The following LRGUK variants were observed in gnomAD, a reference collection of about 807,000 sequenced individuals.
LRGUK encodes the protein leucine rich repeats and guanylate kinase domain containing, also known as leucine-rich repeat and guanylate kinase domain-containing protein.
Under a neutral mutation model 76.0 loss-of-function variants are expected in LRGUK, and 65 were observed. The observed-to-expected ratio is 0.85, with a 90% CI of 0.70 to 1.05. The LOEUF (loss-of-function observed/expected upper bound fraction) is 1.05, where lower values mean the gene tolerates loss of function less well. LRGUK is among the 50% of genes least tolerant of loss of function. The pLI is 0.00. For synonymous variants in LRGUK, 268 were observed against 265.6 expected (o/e 1.01, Z -0.09); for missense variants, 758 against 732.8 (o/e 1.03, Z -0.40).
At chr7:134,183,648 C>A in intron 10 of LRGUK, 86 bp from the exon 11 acceptor site, 1 of 1,499,616 alleles carries the variant, frequency 6.7e-7, no homozygotes, top group Non-Finnish European at 9.1e-7. Flanking sequence ...GCTCATTTAG[C>A]CAGGTTAATG....
the LRGUK span, among the ~76,000 whole-genome samples, chr7:134,276,147 C>T: frequency 6.6e-6 from 1 of 152,252 alleles, no homozygotes; most frequent in African/African-American, 2.4e-5. Flanking sequence ...ATGGACCACA[C>T]TCTCAGTAGC....
intron 1 of LRGUK, among the ~76,000 whole-genome samples, chr7:134,130,547 G>C (rs1000059334): frequency 6.6e-6 from 1 of 152,026 alleles, no homozygotes; most frequent in African/African-American, 2.4e-5. Flanking sequence ...TGGCTTTTTA[G>C]TATTGCACAC....
intron 16 of LRGUK, among the ~76,000 whole-genome samples, chr7:134,234,554 C>A (rs577889001): frequency 1.3e-5 from 2 of 152,180 alleles, no homozygotes; most frequent in South Asian, 2.1e-4. Flanking sequence ...TATCTCTAGT[C>A]CTCCTAAAAT....
chr7:134,272,314 C>T, the LRGUK span, among the ~76,000 whole-genome samples: 1 of 151,934 alleles, frequency 6.6e-6, no homozygotes, highest in African/African-American at 2.4e-5. Context: ...CATTTATTTC[C>T]TTTTTCATTT....
chr7:134,214,400 A>G (rs1801377775), downstream of LRGUK, among the ~76,000 whole-genome samples: 1 of 152,152 alleles, frequency 6.6e-6, no homozygotes, highest in South Asian at 2.1e-4. Context: ...CAGTCTAGTA[A>G]TTCGAATCTG....
At chr7:134,276,335 A>C in the LRGUK span, among the ~76,000 whole-genome samples, 1 of 152,228 alleles carries the variant, frequency 6.6e-6, no homozygotes, top group Non-Finnish European at 1.5e-5. Context: ...TCACTGTGGG[A>C]GACTGCTGTC....
chr7:134,179,390 C>T (rs749796132), intron 10 of LRGUK, among the ~76,000 whole-genome samples: 1 of 152,132 alleles, frequency 6.6e-6, no homozygotes, highest in Admixed American at 6.5e-5. Flanking sequence ...AATGGCTTCT[C>T]TTCTTCATGT....
chr7:134,154,403 T>G (rs1437921597), intron 5 of LRGUK, among the ~76,000 whole-genome samples: 1 of 152,180 alleles, frequency 6.6e-6, no homozygotes, highest in Non-Finnish European at 1.5e-5. Flanking sequence ...ATAAAGATAT[T>G]GAAGACCATC....
chr7:134,258,877 T>C (rs1802651751), intron 19 of LRGUK, among the ~76,000 whole-genome samples: 2 of 152,180 alleles, frequency 1.3e-5, no homozygotes, highest in South Asian at 4.1e-4. Context: ...CCCATTGTTA[T>C]AGGTGAAAAA....
At position 134,233,629 on chromosome 7, in the gene LRGUK, TCACA is replaced by T. The variant is rs368530608; in HGVS notation, c.1983+11714_1983+11717del. On this transcript the variant is annotated intron_variant, in intron 16 of 19. Transcript: ENST00000285928. ...AGGGAAGAGGCTGCTTGTCCAAGTATCACACAGCTTAGGAATGTCTATTTTGATT... is the reference window on the plus strand; with the variant it reads ...AGGGAAGAGGCTGCTTGTCCAAGTATCAGCTTAGGAATGTCTATTTTGATT... Among the ~76,000 whole-genome samples, 41 of 152,364 alleles carry T rather than the reference TCACA, an allele frequency of 2.7e-4. 1 individual carries two copies. The South Asian group carries it at 8.5e-3, about 32-fold the overall frequency.
chr7:134,250,545 A>T (rs1166443459), intron 18 of LRGUK, among the ~76,000 whole-genome samples: 1 of 152,204 alleles, frequency 6.6e-6, no homozygotes, highest in Admixed American at 6.5e-5. Context: ...GAAAACTTTT[A>T]AAATGAGCAA....
At chr7:134,165,162 CA>C (rs778464369) in intron 7 of LRGUK, among the ~76,000 whole-genome samples, 3 of 152,140 alleles carry the variant, frequency 2.0e-5, no homozygotes, top group Non-Finnish European at 2.9e-5. Flanking sequence ...AATAACAATT[CA>C]GGTCATAAAA....
chr7:134,153,857 A>G (rs1290712161), intron 5 of LRGUK, among the ~76,000 whole-genome samples: 1 of 152,198 alleles, frequency 6.6e-6, no homozygotes, highest in Non-Finnish European at 1.5e-5. Flanking sequence ...CTCTCCACTA[A>G]GAGAACTGTG....
At chr7:134,168,948 T>C (rs1799114998) in intron 7 of LRGUK, among the ~76,000 whole-genome samples, 1 of 152,034 alleles carries the variant, frequency 6.6e-6, no homozygotes, top group Admixed American at 6.6e-5. Context: ...TAATCCTTAC[T>C]AAGTATAGTG....
At chr7:134,254,486 A>T (rs1211298981) in intron 18 of LRGUK, among the ~76,000 whole-genome samples, 1 of 152,134 alleles carries the variant, frequency 6.6e-6, no homozygotes, top group Non-Finnish European at 1.5e-5. Flanking sequence ...CCTGGTTTCC[A>T]GATGCCATCT....
intron 12 of LRGUK, among the ~76,000 whole-genome samples, chr7:134,192,888 G>A (rs924449289): frequency 3.3e-5 from 5 of 152,174 alleles, no homozygotes; most frequent in Admixed American, 2.6e-4. Flanking sequence ...CCATCCAACT[G>A]GTGATTCCCT....
At chr7:134,174,619 C>A in exon 8 of LRGUK, 1 of 1,595,170 alleles carries the variant, frequency 6.3e-7, no homozygotes, top group Non-Finnish European at 8.6e-7. Context: ...TCTCAATCTT[C>A]TAGAAAATCC....
intron 7 of LRGUK, among the ~76,000 whole-genome samples, chr7:134,166,251 A>G (rs728578): frequency 0.13 from 20,016 of 152,148 alleles, 1,665 homozygotes; most frequent in East Asian, 0.32. Flanking sequence ...TGGTTTTAGC[A>G]ATTGAAACAT....
At chr7:134,164,328 C>T (rs1036542835) in intron 7 of LRGUK, among the ~76,000 whole-genome samples, 9 of 152,124 alleles carry the variant, frequency 5.9e-5, no homozygotes, top group African/African-American at 2.2e-4. Flanking sequence ...AGAAGAGGCA[C>T]AGGAAGGGAG....
Sources: allele counts gnomAD v4.1 joint callset (sites outside exome capture counted in the v4.1 genomes callset), GRCh38; gene constraint gnomAD v4.1.1; transcripts MANE v1.5; gene names NCBI Gene and HGNC (gene_info 2026-07-23, HGNC 2026-07-21).